The following WNK1 variants were observed in gnomAD, a reference collection of about 807,000 sequenced individuals.
The protein encoded by WNK1 is WNK lysine deficient protein kinase 1.
A neutral mutation model predicts 222.8 loss-of-function variants in WNK1; 38 were observed. That is an observed-to-expected ratio of 0.17 (90% CI 0.13 to 0.22). The LOEUF (loss-of-function observed/expected upper bound fraction) is 0.22. WNK1 is among the 10% of genes least tolerant of loss of function. The probability of loss-of-function intolerance (pLI) is 1.00; values close to 1 mark genes in which losing one functional copy is unlikely to be tolerated. For missense variants in WNK1, 2,348 were observed against 2,918.4 expected, an observed-to-expected ratio of 0.80 and a Z score of 4.50; for synonymous variants, 1,090 against 1,092.9, an observed-to-expected ratio of 1.00 and a Z score of 0.05.
At chr12:762,027 A>G (rs1400307657) in intron 1 of WNK1, among the ~76,000 whole-genome samples, 1 of 144,322 alleles carries the variant, frequency 6.9e-6, no homozygotes, top group Non-Finnish European at 1.5e-5. Flanking sequence ...AACCTACAGT[A>G]GTACATCCTC....
In WNK1 at chr12:877,224, C is replaced by T. The variant is rs539260732; in HGVS notation, c.2224-988C>T. Among the ~76,000 whole-genome samples the T allele has an allele frequency of 7.2e-5, 11 of 152,042 alleles. No homozygotes were observed. The South Asian group carries it at 8.3e-4, about 12-fold the overall frequency. ...GATTATAGATATGTGCCACCACGCC[C>T]GGCTAATTTTTTGCAATTTTAGTAG... On this transcript the variant is annotated intron_variant, in intron 9 of 27. Coordinates refer to ENST00000315939, the MANE Select transcript of WNK1 (RefSeq NM_018979.4).
chr12:756,554 G>T (rs1334005938), intron 1 of WNK1, among the ~76,000 whole-genome samples: 1 of 152,208 alleles, frequency 6.6e-6, no homozygotes, highest in Non-Finnish European at 1.5e-5. Context: ...ACCTGGTTTA[G>T]AAACTTCCAT....
chr12:898,809 G>A (rs1211862450), intron 25 of WNK1, among the ~76,000 whole-genome samples: 2 of 151,902 alleles, frequency 1.3e-5, no homozygotes, highest in South Asian at 2.1e-4. Flanking sequence ...GCACGATCTC[G>A]GCTCACTGCA....
At chr12:842,139 G>A (rs1035695956) in intron 4 of WNK1, among the ~76,000 whole-genome samples, 6 of 152,134 alleles carry the variant, frequency 3.9e-5, no homozygotes, top group African/African-American at 1.4e-4. Context: ...GTCAAAATCA[G>A]ACATTATGTA....
intron 1 of WNK1, among the ~76,000 whole-genome samples, chr12:782,934 G>A (rs903806141): frequency 1.3e-5 from 2 of 150,440 alleles, no homozygotes; most frequent in Non-Finnish European, 3.0e-5. Context: ...GTCTTGCCCT[G>A]TCACCCAGGC....
At chr12:848,631 G>C (rs1313147579) in intron 4 of WNK1, among the ~76,000 whole-genome samples, 1 of 148,250 alleles carries the variant, frequency 6.7e-6, no homozygotes, top group East Asian at 2.0e-4. Flanking sequence ...AATAATAGTA[G>C]TACTTAAATA....
At chr12:791,547 G>C (rs1944840445) in intron 1 of WNK1, among the ~76,000 whole-genome samples, 1 of 130,404 alleles carries the variant, frequency 7.7e-6, no homozygotes, top group South Asian at 2.6e-4. Flanking sequence ...GGTTCTTTGA[G>C]AGAGCTTCTT....
intron 8 of WNK1, 72 bp from the exon 9 acceptor site, chr12:871,193 T>G: frequency 1.4e-6 from 2 of 1,390,364 alleles, no homozygotes; most frequent in Non-Finnish European, 2.0e-6. Flanking sequence ...TAAATATTCA[T>G]TGCAAAAGCC....
At chr12:856,612 A>G (rs926468404) in intron 4 of WNK1, among the ~76,000 whole-genome samples, 1 of 152,174 alleles carries the variant, frequency 6.6e-6, no homozygotes, top group African/African-American at 2.4e-5. Context: ...CCAATATATT[A>G]CTTTTCATTG....
chr12:757,242 T>C lies in WNK1; in HGVS notation c.759+2918T>C, dbSNP rs557676086. ...TCAATATGGTATACAAATCAAGCTA[T>C]TTTCTGTCATGCTAATTTTTTTAGA... is the stretch of plus-strand genomic sequence containing the variant. On this transcript the variant is annotated intron_variant, in intron 1 of 27. Transcript: ENST00000315939. Among the ~76,000 whole-genome samples the C allele has an allele frequency of 6.6e-5, 10 of 151,994 alleles. No homozygotes were observed. In the East Asian group the frequency reaches 1.3e-3, roughly 21 times the overall value.
At chr12:756,338 G>GA (rs564864687) in intron 1 of WNK1, among the ~76,000 whole-genome samples, 3 of 152,108 alleles carry the variant, frequency 2.0e-5, no homozygotes, top group Non-Finnish European at 4.4e-5. Flanking sequence ...ATAATACAGT[G>GA]AAAAAAACTT....
intron 22 of WNK1, among the ~76,000 whole-genome samples, chr12:891,619 TA>T (rs1484294417): frequency 2.3e-4 from 34 of 150,082 alleles, no homozygotes; most frequent in Middle Eastern, 3.2e-3. Flanking sequence ...TTTTTTTTTT[TA>T]GTTTTTTAAT....
intron 1 of WNK1, among the ~76,000 whole-genome samples, chr12:773,728 T>C (rs1048736957): frequency 3.3e-5 from 5 of 152,332 alleles, no homozygotes; most frequent in Admixed American, 6.5e-5. Flanking sequence ...GTGAAACTTA[T>C]GTTTCAGTGG....
chr12:911,165 G>T lies in WNK1; in HGVS notation c.*2373G>T. The T allele has an allele frequency of 2.5e-6, 1 of 397,116 alleles. No individual in the cohort carries two copies. The highest frequency in any genetic ancestry group is 1.4e-4 in the South Asian group (1 of 7,156). 24.6% of individuals were successfully genotyped at this position (397,116 alleles called of 1,614,324 possible). ...CCTAGAGGAATGAACTAGTGCTACT[G>T]AACTGTTTAAATTATTTTTGTGTTA... is the stretch of plus-strand genomic sequence containing the variant. On this transcript the variant is annotated 3_prime_UTR_variant, in exon 28 of 28. Coordinates refer to ENST00000315939, the MANE Select transcript of WNK1 (RefSeq NM_018979.4).
intron 8 of WNK1, chr12:869,304 T>C (rs961227260): frequency 1.1e-5 from 8 of 704,500 alleles, no homozygotes; most frequent in African/African-American, 1.8e-5. Context: ...CTACCTGATT[T>C]ACCTATTATA....
chr12:813,091 G>A (rs1010787452), intron 1 of WNK1, among the ~76,000 whole-genome samples: 3 of 152,058 alleles, frequency 2.0e-5, no homozygotes, highest in African/African-American at 7.2e-5. Context: ...AAAATTAGCC[G>A]GGCAAGGTGG....
intron 1 of WNK1, among the ~76,000 whole-genome samples, chr12:812,627 G>A (rs11064546): frequency 0.12 from 18,442 of 152,114 alleles, 1,463 homozygotes; most frequent in Middle Eastern, 0.19. Context: ...TACTTTTGGC[G>A]ACAGAGTGAG....
At chr12:778,156 A>C (rs1415537058) in intron 1 of WNK1, among the ~76,000 whole-genome samples, 2 of 152,192 alleles carry the variant, frequency 1.3e-5, no homozygotes, top group Admixed American at 1.3e-4. Flanking sequence ...TAAACTGTTT[A>C]CTTGACCTGT....
At chr12:860,163 C>T (rs1192591534) in intron 6 of WNK1, among the ~76,000 whole-genome samples, 2 of 152,184 alleles carry the variant, frequency 1.3e-5, no homozygotes. Flanking sequence ...AAGCATCATT[C>T]ATTAAGAATG....
Sources: gnomAD v4.1 joint callset for allele counts (sites outside exome capture counted in the v4.1 genomes callset) on GRCh38, gnomAD v4.1.1 for gene constraint, MANE v1.5 for transcripts, NCBI Gene and HGNC (gene_info 2026-07-23, HGNC 2026-07-21) for gene names.